The following ZC4H2 variants were observed in gnomAD, a reference collection of about 807,000 sequenced individuals.
ZC4H2 encodes the protein zinc finger C4H2-type containing.
For missense variants in ZC4H2, 137 were observed against 173.9 expected (o/e 0.79, Z 1.19); for synonymous variants, 84 against 66.3 (o/e 1.27, Z -1.30).
chrX:64,946,968 T>C (rs1457589177), intron 1 of ZC4H2, among the ~76,000 whole-genome samples: 1 of 111,730 alleles, frequency 9.0e-6, no homozygotes, highest in East Asian at 2.8e-4. Context: ...TCTGTTATAA[T>C]GTAAGCATTT....
intron 2 of ZC4H2, among the ~76,000 whole-genome samples, chrX:64,921,151 C>T (rs1429111763): frequency 1.8e-5 from 2 of 112,094 alleles, no homozygotes; most frequent in Non-Finnish European, 3.8e-5. Context: ...GAAATATAAA[C>T]TTAGTTCCTT....
intron 1 of ZC4H2, among the ~76,000 whole-genome samples, chrX:64,982,204 C>A (rs1211229513): frequency 8.9e-6 from 1 of 111,838 alleles, no homozygotes; most frequent in Non-Finnish European, 1.9e-5. Context: ...TTGAGAGTGA[C>A]CAAAACTGAC....
chrX:64,932,736 A>C (rs945041034), intron 1 of ZC4H2, among the ~76,000 whole-genome samples: 2 of 111,540 alleles, frequency 1.8e-5, no homozygotes, highest in African/African-American at 6.5e-5. Context: ...TCTGCTGTTA[A>C]TCTGATAGGT....
intron 1 of ZC4H2, among the ~76,000 whole-genome samples, chrX:64,933,989 T>C (rs963524625): frequency 1.8e-5 from 2 of 110,975 alleles, no homozygotes; most frequent in African/African-American, 6.6e-5. Flanking sequence ...GGGTGAAGAG[T>C]GGAAGCTACC....
intron 1 of ZC4H2, among the ~76,000 whole-genome samples, chrX:64,939,385 T>C (rs896510321): frequency 6.3e-5 from 7 of 111,944 alleles, no homozygotes; most frequent in African/African-American, 2.3e-4. Flanking sequence ...ATAGATTCAA[T>C]GCTATCCCCA....
At chrX:64,937,792 A>G (rs1930085243) in intron 1 of ZC4H2, among the ~76,000 whole-genome samples, 1 of 111,689 alleles carries the variant, frequency 9.0e-6, no homozygotes. Flanking sequence ...CAGTGTGTAG[A>G]GGGGCATTTA....
At chrX:64,939,092 T>G (rs1348458560) in intron 1 of ZC4H2, among the ~76,000 whole-genome samples, 3 of 112,245 alleles carry the variant, frequency 2.7e-5, no homozygotes, top group African/African-American at 9.7e-5. Flanking sequence ...CAGCAAAGTC[T>G]CAGGATACAA....
At chrX:65,008,474 T>C (rs1001217153) in intron 1 of ZC4H2, among the ~76,000 whole-genome samples, 3 of 112,082 alleles carry the variant, frequency 2.7e-5, no homozygotes, top group Non-Finnish European at 5.6e-5. Context: ...ATACATCCAA[T>C]ACAAAGGAAA....
intron 1 of ZC4H2, among the ~76,000 whole-genome samples, chrX:64,974,408 T>C (rs1474644934): frequency 8.9e-6 from 1 of 112,555 alleles, no homozygotes. Flanking sequence ...AATTCTAACA[T>C]GGGTGTTATC....
intron 1 of ZC4H2, among the ~76,000 whole-genome samples, chrX:65,015,613 A>G (rs1569231178): frequency 1.8e-5 from 2 of 112,011 alleles, no homozygotes; most frequent in Admixed American, 9.4e-5. Flanking sequence ...TCATGATTCT[A>G]TGATAATCCC....
At chrX:64,951,736 C>T (rs1930849253) in intron 1 of ZC4H2, among the ~76,000 whole-genome samples, 1 of 110,427 alleles carries the variant, frequency 9.1e-6, no homozygotes, top group Non-Finnish European at 1.9e-5. Context: ...AAAATTTTCT[C>T]CCATTTTGTA....
chrX:64,953,370 C>G (rs1359453540), intron 1 of ZC4H2, among the ~76,000 whole-genome samples: 1 of 112,042 alleles, frequency 8.9e-6, no homozygotes, highest in African/African-American at 3.2e-5. Context: ...AAACTACCAT[C>G]AGATTGAACA....
intron 1 of ZC4H2, among the ~76,000 whole-genome samples, chrX:64,962,239 T>C (rs1417526595): frequency 8.9e-6 from 1 of 111,822 alleles, no homozygotes; most frequent in Admixed American, 9.5e-5. Flanking sequence ...ATCCCTGTGA[T>C]GTGAGGAGAG....
At chrX:65,008,016 G>T (rs1460365701) in intron 1 of ZC4H2, among the ~76,000 whole-genome samples, 1 of 111,435 alleles carries the variant, frequency 9.0e-6, no homozygotes, top group Admixed American at 9.5e-5. Flanking sequence ...TCAACAAAGT[G>T]AAGAGACAAC....
chrX:65,008,534 T>G (rs1205508651), intron 1 of ZC4H2, among the ~76,000 whole-genome samples: 1 of 112,344 alleles, frequency 8.9e-6, no homozygotes, highest in African/African-American at 3.2e-5. Flanking sequence ...GGAGCACTAT[T>G]CACAATAGCC....
chrX:64,996,086 A>T (rs1023213282), intron 1 of ZC4H2, among the ~76,000 whole-genome samples: 1 of 111,794 alleles, frequency 8.9e-6, no homozygotes, highest in East Asian at 2.8e-4. Context: ...ACAGATTTCC[A>T]CTGTGGGCTG....
At chrX:65,028,958 C>T (rs898324375) in intron 1 of ZC4H2, among the ~76,000 whole-genome samples, 15 of 111,110 alleles carry the variant, frequency 1.4e-4, no homozygotes, top group African/African-American at 4.9e-4. Flanking sequence ...GTTGAGTGGA[C>T]AGTTGGACCT....
At position 65,003,213 on chromosome X, in the gene ZC4H2, A is replaced by G. The variant is rs1163656057; in HGVS notation, c.-272+31416T>C. Among the ~76,000 whole-genome samples, 6 of 111,703 alleles carry G rather than the reference A, an allele frequency of 5.4e-5. No homozygotes were observed. In the Admixed American group the frequency reaches 5.7e-4, roughly 11 times the overall value. ...GGTAAATAACGAAATTAAGGCAGAA[A>G]TAAATAAGTACTTTGAAACCAATGA... is the stretch of plus-strand genomic sequence containing the variant. On this transcript the variant is annotated intron_variant, in intron 1 of 4. Transcript: ENST00000337990.
intron 1 of ZC4H2, among the ~76,000 whole-genome samples, chrX:64,926,479 A>T (rs1293732463): frequency 2.7e-5 from 3 of 112,047 alleles, no homozygotes; most frequent in Non-Finnish European, 5.6e-5. Context: ...CAACTGTTCC[A>T]GAGTGTATCA....
Sources: gnomAD v4.1 joint callset for allele counts (sites outside exome capture counted in the v4.1 genomes callset) on GRCh38, gnomAD v4.1.1 for gene constraint, MANE v1.5 for transcripts, NCBI Gene and HGNC (gene_info 2026-07-23, HGNC 2026-07-21) for gene names.